MPHOSPH8: variants seen among roughly 807,000 people sequenced by gnomAD.
The protein encoded by MPHOSPH8 is M-phase phosphoprotein 8.
MPHOSPH8 carries 45 observed loss-of-function variants against 87.3 expected under a neutral mutation model. The observed-to-expected ratio is 0.52, with a 90% CI of 0.41 to 0.66. The LOEUF (loss-of-function observed/expected upper bound fraction) is 0.66. MPHOSPH8 is among the 30% of genes least tolerant of loss of function. The probability of loss-of-function intolerance (pLI) is 0.00; values close to 1 mark genes in which losing one functional copy is unlikely to be tolerated. For missense variants in MPHOSPH8, 883 were observed against 1,020.2 expected (o/e 0.87, Z 1.83); for synonymous variants, 366 against 376.9 (o/e 0.97, Z 0.33).
chr13:19,641,517 T>G (rs1398926376), intron 1 of MPHOSPH8, among the ~76,000 whole-genome samples: 1 of 126,222 alleles, frequency 7.9e-6, no homozygotes, highest in African/African-American at 3.0e-5. Flanking sequence ...TGAGACAGAG[T>G]TTCACTCTTG....
At chr13:19,640,737 A>G (rs1028194073) in intron 1 of MPHOSPH8, among the ~76,000 whole-genome samples, 1 of 152,118 alleles carries the variant, frequency 6.6e-6, no homozygotes, top group African/African-American at 2.4e-5. Flanking sequence ...AATTTATTCT[A>G]ACAACTTAAT....
chr13:19,662,164 C>A (rs1281993490), intron 8 of MPHOSPH8, among the ~76,000 whole-genome samples: 1 of 152,140 alleles, frequency 6.6e-6, no homozygotes, highest in Non-Finnish European at 1.5e-5. Context: ...TGGTCTCGAT[C>A]TCCTGACCTC....
chr13:19,670,422 G>T, intron 12 of MPHOSPH8, 59 bp downstream of exon 12: 1 of 1,541,928 alleles, frequency 6.5e-7, no homozygotes, highest in South Asian at 1.2e-5. Context: ...AAGCACAGAT[G>T]ACTTAATTTT....
rs544337117 is a variant in MPHOSPH8, at chr13:19,646,073, A to G, written c.370-370A>G. Among the ~76,000 whole-genome samples the G allele has an allele frequency of 7.2e-5, 11 of 152,198 alleles. No homozygotes were observed. The South Asian group carries it at 1.0e-3, about 14-fold the overall frequency. On this transcript the variant is annotated intron_variant, in intron 2 of 13. Transcript: ENST00000361479. ...AAAACGTTTTGTATTTGCATTGGTAACTACTTTGTTGGCAGCCAAGAAAGT... is the reference window on the plus strand; with the variant it reads ...AAAACGTTTTGTATTTGCATTGGTAGCTACTTTGTTGGCAGCCAAGAAAGT...
At chr13:19,654,821 G>A (rs962226026) in intron 5 of MPHOSPH8, among the ~76,000 whole-genome samples, 2 of 152,092 alleles carry the variant, frequency 1.3e-5, no homozygotes, top group Admixed American at 1.3e-4. Context: ...GGTGGCACAT[G>A]CCTGTAATCC....
chr13:19,667,093 C>T (rs1298475692), intron 10 of MPHOSPH8, among the ~76,000 whole-genome samples: 2 of 152,082 alleles, frequency 1.3e-5, no homozygotes, highest in Non-Finnish European at 2.9e-5. Flanking sequence ...ACCCGGGAGG[C>T]GGAGGTTGCA....
chr13:19,667,103 A>C (rs982415197), intron 10 of MPHOSPH8, among the ~76,000 whole-genome samples: 1 of 152,176 alleles, frequency 6.6e-6, no homozygotes, highest in Admixed American at 6.5e-5. Context: ...CGGAGGTTGC[A>C]GTGACCTGAG....
chr13:19,655,394 G>A (rs1486544131), intron 5 of MPHOSPH8, among the ~76,000 whole-genome samples: 18 of 152,140 alleles, frequency 1.2e-4, no homozygotes, highest in Admixed American at 1.2e-3. Context: ...CTTGAGCCCG[G>A]AAGTTCGAGG....
rs769913849 is a variant in MPHOSPH8 at position 19,646,737 on chromosome 13, A to G, written c.664A>G (p.Lys222Glu). Residue 222 changes from lysine to glutamate, a missense_variant, in exon 3 of 14, where the codon AAA becomes GAA. By Grantham distance (56) the Lys-to-Glu change is moderately conservative. Around this residue, in one of 3 missense-constraint regions of MPHOSPH8, gnomAD observed 741 missense variants for 841.5 expected, o/e 0.88. Coordinates refer to ENST00000361479, the MANE Select transcript of MPHOSPH8 (RefSeq NM_017520.4). ...ESKKPKKDEV[K>E]ETKELKKVKK... ...CAAAAAGCCCAAAAAAGATGAAGTA[A>G]AAGAAACAAAAGAATTAAAGAAAGT... 4 of 1,585,782 alleles carry G rather than the reference A, an allele frequency of 2.5e-6. No individual in the cohort carries two copies. In the African/African-American group the frequency reaches 4.1e-5, roughly 16 times the overall value.
chr13:19,657,421 G>A (rs1220037318), intron 5 of MPHOSPH8, among the ~76,000 whole-genome samples: 1 of 142,834 alleles, frequency 7.0e-6, no homozygotes, highest in East Asian at 2.0e-4. Flanking sequence ...TTTTTTTTTT[G>A]CGCTTGAGCA....
chr13:19,665,963 A>G (rs2137540117), intron 9 of MPHOSPH8, among the ~76,000 whole-genome samples: 1 of 152,202 alleles, frequency 6.6e-6, no homozygotes, highest in East Asian at 1.9e-4. Flanking sequence ...TGTGGTCCTG[A>G]GAGGTGTTTT....
intron 5 of MPHOSPH8, 158 bp downstream of exon 5, chr13:19,650,418 G>T (rs943971912): frequency 2.5e-6 from 2 of 799,124 alleles, no homozygotes; most frequent in Non-Finnish European, 3.7e-6. Context: ...TTGAAGACGG[G>T]TCATTCTGTG....
chr13:19,648,955 C>A (rs1411285136), intron 4 of MPHOSPH8, among the ~76,000 whole-genome samples: 4 of 152,148 alleles, frequency 2.6e-5, no homozygotes, highest in Admixed American at 6.6e-5. Flanking sequence ...TATTTAGTTT[C>A]TGTAGCAAAA....
chr13:19,639,788 T>G (rs1353547428), intron 1 of MPHOSPH8, among the ~76,000 whole-genome samples: 1 of 152,132 alleles, frequency 6.6e-6, no homozygotes, highest in East Asian at 1.9e-4. Context: ...AAATCCAAAG[T>G]CGTGAAAACT....
At chr13:19,666,331 CT>C in intron 9 of MPHOSPH8, 93 bp from the exon 10 acceptor site, 1 of 1,325,856 alleles carries the variant, frequency 7.5e-7, no homozygotes, top group Admixed American at 2.1e-5. Context: ...TGTGCCCTCT[CT>C]TCACAGAACC....
intron 1 of MPHOSPH8, among the ~76,000 whole-genome samples, chr13:19,634,925 G>A (rs572291964): frequency 1.3e-5 from 2 of 152,090 alleles, no homozygotes; most frequent in African/African-American, 4.8e-5. Flanking sequence ...AATTTTTTGC[G>A]CATTCATTCA....
chr13:19,645,517 A>AAAGTGCTCAC (rs1179014938), intron 2 of MPHOSPH8, among the ~76,000 whole-genome samples: 1 of 152,094 alleles, frequency 6.6e-6, no homozygotes, highest in Non-Finnish European at 1.5e-5. Flanking sequence ...CACCCCTGTA[A>AAAGTGCTCAC]TCCTAGCACT....
chr13:19,647,156 A>C lies in MPHOSPH8; in HGVS notation c.1083A>C (p.Lys361Asn). Residue 361 changes from lysine to asparagine, a missense_variant, in exon 3 of 14, where the codon AAA becomes AAC. Around this residue, in one of 3 missense-constraint regions of MPHOSPH8, gnomAD observed 741 missense variants for 841.5 expected, o/e 0.88. Transcript: ENST00000361479. ...TCTTAGAGAAGAAAACTGTGCCTAA[A>C]AAGCAGAGGAATCAAGACAGAAGCA... The part of the protein sequence containing the change: ...NAFLEKKTVP[K>N]KQRNQDRSKS... The C allele has an allele frequency of 6.2e-7, 1 of 1,614,182 alleles. No homozygotes were observed. Among genetic ancestry groups the C allele is most frequent in the Non-Finnish European group, 8.5e-7 (1 of 1,180,030 alleles).
rs1565937065 is a variant in MPHOSPH8, at chr13:19,650,154, TAAAG to T, written c.1475_1478del (p.Glu492GlyfsTer23). On this transcript the variant is annotated frameshift_variant, in exon 5 of 14. Coordinates refer to ENST00000361479, the MANE Select transcript of MPHOSPH8 (RefSeq NM_017520.4). LOFTEE classifies it high-confidence loss of function. ...AAACCAAGGAAAACAAACAGTCACT[TAAAG>T]AAAGGAGAAACACCAGAGACGAAAC... The T allele has an allele frequency of 2.5e-6, 4 of 1,614,070 alleles. No individual in the cohort carries two copies. The highest frequency in any genetic ancestry group is 2.5e-6 in the Non-Finnish European group (3 of 1,180,030).
Sources: gnomAD v4.1 joint callset for allele counts (sites outside exome capture counted in the v4.1 genomes callset) on GRCh38, gnomAD v4.1.1 for gene constraint, gnomAD v4.1.1 regional missense constraint, MANE v1.5 for transcripts, NCBI Gene and HGNC (gene_info 2026-07-23, HGNC 2026-07-21) for gene names.